Variants in ALOX5 observed in about 807,000 individuals in gnomAD.
ALOX5 encodes the protein arachidonate 5-lipoxygenase, also known as polyunsaturated fatty acid 5-lipoxygenase.
In ALOX5, 64 loss-of-function variants were observed where a neutral mutation model predicts 87.9. That is an observed-to-expected ratio of 0.73 (90% CI 0.60 to 0.90). The LOEUF (loss-of-function observed/expected upper bound fraction) is 0.90. Ranked by LOEUF, ALOX5 falls within the 40% of genes least tolerant of loss-of-function variation. The pLI is 0.00. For synonymous variants in ALOX5, 388 were observed against 355.1 expected, an observed-to-expected ratio of 1.09 and a Z score of -1.04; for missense variants, 822 against 907.5, an observed-to-expected ratio of 0.91 and a Z score of 1.21.
At chr10:45,428,199 C>A (rs960434924) in intron 6 of ALOX5, among the ~76,000 whole-genome samples, 1 of 149,022 alleles carries the variant, frequency 6.7e-6, no homozygotes, top group African/African-American at 2.5e-5. Flanking sequence ...CCAAGGGAGA[C>A]CCCTGTCCTG....
In ALOX5 at chr10:45,445,724, C is replaced by A. The variant is rs1374070598; in HGVS notation, c.*37C>A. 1.3e-6 allele frequency: 2 copies of A among 1,588,520 alleles called. No individual in the cohort carries two copies. Among genetic ancestry groups the A allele is most frequent in the Admixed American group, 3.4e-5 (2 of 59,388 alleles). On this transcript the variant is annotated 3_prime_UTR_variant, in exon 14 of 14. Coordinates refer to ENST00000374391, the MANE Select transcript of ALOX5 (RefSeq NM_000698.5). ...GTCTCACTGTGGGAAGGCCAGCTGC[C>A]CCAGCCAGATGGACTCCAGCCTGCC... is the stretch of plus-strand genomic sequence containing the variant.
Position 45,387,917 on chromosome 10 carries a change from C to G in ALOX5, c.349+5236C>G, listed in dbSNP as rs550070951. Among the ~76,000 whole-genome samples, 19 of 152,350 alleles carry G rather than the reference C, an allele frequency of 1.2e-4. 1 individual carries two copies. The South Asian group carries it at 3.9e-3, about 32-fold the overall frequency. Reference sequence around the variant, plus strand: ...GATTTCTGCATTTCCAACTGAGGCACTGGGTTCATCTCACTGGGGATTGTT... The same window carrying G: ...GATTTCTGCATTTCCAACTGAGGCAGTGGGTTCATCTCACTGGGGATTGTT... On this transcript the variant is annotated intron_variant, in intron 2 of 13. Transcript: ENST00000374391.
rs1842332583 is a variant in ALOX5 at position 45,443,802 on chromosome 10, C to T, written c.1648C>T (p.Gln550Ter). The stretch of plus-strand genomic sequence containing the variant: ...CGTGGTGATCTTCACCGCCTCCGCC[C>T]AGCACGCCGCGGTCAACTTCGGCCA... ...LTVVIFTASAQHAAVNFGQYD... is the reference protein window; with the variant it reads ...LTVVIFTASA The change falls in exon 12 of 14, where the codon CAG (glutamine) becomes TAG (stop). Residue 550 changes from glutamine (Q) to a stop codon, truncating the protein, a stop_gained. Coordinates refer to ENST00000374391, the MANE Select transcript of ALOX5 (RefSeq NM_000698.5). LOFTEE classifies it high-confidence loss of function. 6.2e-7 allele frequency: 1 copy of T among 1,610,002 alleles called. No homozygotes were observed. The highest frequency in any genetic ancestry group is 1.7e-5 in the Admixed American group (1 of 59,784).
chr10:45,414,615 G>C (rs1175070662), intron 4 of ALOX5, among the ~76,000 whole-genome samples: 2 of 152,154 alleles, frequency 1.3e-5, no homozygotes, highest in Non-Finnish European at 2.9e-5. Context: ...AAGAGCTTCT[G>C]CACAGCAAAA....
intron 2 of ALOX5, among the ~76,000 whole-genome samples, chr10:45,393,779 G>T (rs1055166042): frequency 6.6e-6 from 1 of 152,184 alleles, no homozygotes; most frequent in African/African-American, 2.4e-5. Flanking sequence ...AAATCAATGT[G>T]CAAGAATCAC....
At chr10:45,377,614 C>A (rs779444709) in intron 1 of ALOX5, among the ~76,000 whole-genome samples, 1 of 152,094 alleles carries the variant, frequency 6.6e-6, no homozygotes, top group Non-Finnish European at 1.5e-5. Context: ...TAGCCTCCCC[C>A]TCTCTCATCC....
intron 4 of ALOX5, among the ~76,000 whole-genome samples, 180 bp downstream of exon 4, chr10:45,412,493 G>C (rs1310923527): frequency 6.6e-6 from 1 of 152,010 alleles, no homozygotes; most frequent in Non-Finnish European, 1.5e-5. Context: ...CAGGACAACC[G>C]GTATCTTAAA....
intron 4 of ALOX5, among the ~76,000 whole-genome samples, chr10:45,413,146 G>T (rs1432599910): frequency 6.6e-6 from 1 of 152,112 alleles, no homozygotes; most frequent in Admixed American, 6.6e-5. Flanking sequence ...CAAACAAAGA[G>T]AATTTTAGAC....
chr10:45,379,624 C>T (rs960880028), intron 1 of ALOX5, among the ~76,000 whole-genome samples: 1 of 152,244 alleles, frequency 6.6e-6, no homozygotes, highest in South Asian at 2.1e-4. Flanking sequence ...GGTGTGGGGC[C>T]TGGTGCCCTG....
chr10:45,396,653 A>G (rs1451804440), intron 3 of ALOX5, among the ~76,000 whole-genome samples: 1 of 152,226 alleles, frequency 6.6e-6, no homozygotes, highest in Non-Finnish European at 1.5e-5. Context: ...TCTATCAAAC[A>G]TTTAAAGAAT....
At chr10:45,412,507 G>GGCAT (rs1254090892) in intron 4 of ALOX5, among the ~76,000 whole-genome samples, 194 bp downstream of exon 4, 1 of 152,082 alleles carries the variant, frequency 6.6e-6, no homozygotes, top group African/African-American at 2.4e-5. Flanking sequence ...TCTTAAAAAA[G>GGCAT]GCATAACCAG....
At chr10:45,413,454 G>C (rs975792382) in intron 4 of ALOX5, among the ~76,000 whole-genome samples, 9 of 152,124 alleles carry the variant, frequency 5.9e-5, no homozygotes, top group African/African-American at 1.9e-4. Context: ...AAAATAATAA[G>C]AGCTATTTAT....
chr10:45,400,582 G>C (rs1436501036), intron 3 of ALOX5, among the ~76,000 whole-genome samples: 1 of 152,174 alleles, frequency 6.6e-6, no homozygotes, highest in East Asian at 1.9e-4. Flanking sequence ...CTGGGTGACA[G>C]AGCAAGACTC....
chr10:45,380,246 G>T (rs575344339), intron 1 of ALOX5, among the ~76,000 whole-genome samples: 4 of 152,266 alleles, frequency 2.6e-5, no homozygotes, highest in Non-Finnish European at 5.9e-5. Context: ...GTGGGGCCGA[G>T]GCTGGTCCAC....
chr10:45,415,252 G>T (rs182027029), intron 4 of ALOX5, among the ~76,000 whole-genome samples: 56 of 152,330 alleles, frequency 3.7e-4, no homozygotes, highest in Non-Finnish European at 6.9e-4. Context: ...ATACTATGCA[G>T]CCATAAAAAA....
intron 3 of ALOX5, among the ~76,000 whole-genome samples, chr10:45,399,002 T>C (rs1840607864): frequency 6.6e-6 from 1 of 152,188 alleles, no homozygotes; most frequent in South Asian, 2.1e-4. Context: ...CAAAAACTTG[T>C]ACATGCATGA....
chr10:45,423,977 G>A (rs1841598792), intron 4 of ALOX5, 64 bp from the exon 5 acceptor site: 1 of 1,325,404 alleles, frequency 7.5e-7, no homozygotes, highest in Admixed American at 1.7e-5. Flanking sequence ...AGCTTGGTGT[G>A]AAGGGGCTCT....
At chr10:45,376,190 T>TCTTCCCCTACC (rs111498513) in intron 1 of ALOX5, among the ~76,000 whole-genome samples, 25,469 of 152,020 alleles carry the variant, frequency 0.17, 2,191 homozygotes, top group South Asian at 0.19. Flanking sequence ...TCTCCCTCTC[T>TCTTCCCCTACC]CGGTCTGTCT....
At chr10:45,441,290 C>T in intron 8 of ALOX5, 54 bp from the exon 9 acceptor site, 2 of 1,530,380 alleles carry the variant, frequency 1.3e-6, no homozygotes, top group East Asian at 2.3e-5. Context: ...GTCCCTGAGG[C>T]ACCAGGTCAC....
Sources: allele counts gnomAD v4.1 joint callset (sites outside exome capture counted in the v4.1 genomes callset), GRCh38; gene constraint gnomAD v4.1.1; transcripts MANE v1.5; gene names NCBI Gene and HGNC (gene_info 2026-07-23, HGNC 2026-07-21).